Variants in SLC17A1 observed in about 807,000 individuals in gnomAD.
The protein encoded by SLC17A1 is solute carrier family 17 member 1.
Under a neutral mutation model 53.5 loss-of-function variants are expected in SLC17A1, and 51 were observed. That is an observed-to-expected ratio of 0.95 (90% confidence interval 0.76 to 1.20). The LOEUF is 1.20. Ranked by LOEUF, SLC17A1 falls within the 50% of genes most tolerant of loss-of-function variation. The pLI is 0.00. For synonymous variants in SLC17A1, 179 were observed against 198.8 expected (o/e 0.90, Z 0.84); for missense variants, 538 against 568.2 (o/e 0.95, Z 0.54).
At chr6:25,784,499 C>T (rs1307369619) in intron 12 of SLC17A1, among the ~76,000 whole-genome samples, 2 of 152,132 alleles carry the variant, frequency 1.3e-5, no homozygotes, top group Non-Finnish European at 2.9e-5. Flanking sequence ...GGAGGTACCA[C>T]ACACTGTTAT....
chr6:25,828,334 C>G (rs1388951749), intron 2 of SLC17A1, among the ~76,000 whole-genome samples: 2 of 152,076 alleles, frequency 1.3e-5, no homozygotes, highest in Non-Finnish European at 2.9e-5. Flanking sequence ...AAACAGGGGC[C>G]AGGGAGCTTG....
At chr6:25,796,939 C>T (rs1023397071) in intron 12 of SLC17A1, among the ~76,000 whole-genome samples, 5 of 152,304 alleles carry the variant, frequency 3.3e-5, no homozygotes, top group African/African-American at 1.2e-4. Flanking sequence ...ACATATACAA[C>T]ACTGCCTTCT....
intron 6 of SLC17A1, 126 bp from the exon 7 acceptor site, chr6:25,813,339 A>T (rs773074527): frequency 1.0e-4 from 76 of 755,120 alleles, no homozygotes; most frequent in Admixed American, 4.4e-4. Context: ...AAACTTTTCA[A>T]CAAGACTTGT....
chr6:25,810,365 T>C (rs1764111041), intron 10 of SLC17A1, among the ~76,000 whole-genome samples: 1 of 152,104 alleles, frequency 6.6e-6, no homozygotes. Flanking sequence ...ACTATACATA[T>C]AATAAGCGGT....
the SLC17A1 span, among the ~76,000 whole-genome samples, chr6:25,760,047 G>A: frequency 6.6e-6 from 1 of 152,132 alleles, no homozygotes; most frequent in South Asian, 2.1e-4. Flanking sequence ...CAAGTGGGAG[G>A]ATGCAGCTTG....
the SLC17A1 span, among the ~76,000 whole-genome samples, chr6:25,729,324 C>T: frequency 1.3e-5 from 2 of 152,190 alleles, no homozygotes; most frequent in African/African-American, 4.8e-5. Flanking sequence ...ATAATCACAG[C>T]CCTGGCTCCA....
At chr6:25,759,579 A>G in the SLC17A1 span, among the ~76,000 whole-genome samples, 1 of 152,162 alleles carries the variant, frequency 6.6e-6, no homozygotes, top group Non-Finnish European at 1.5e-5. Context: ...GCTGTTGCTT[A>G]TAAGTTTGTT....
chr6:25,727,499 C>G, the SLC17A1 span, among the ~76,000 whole-genome samples: 1 of 150,830 alleles, frequency 6.6e-6, no homozygotes, highest in Non-Finnish European at 1.5e-5. Flanking sequence ...TCACGCCATT[C>G]TCCTGCCTCA....
chr6:25,812,158 A>T (rs1764180052), intron 8 of SLC17A1, among the ~76,000 whole-genome samples: 1 of 152,164 alleles, frequency 6.6e-6, no homozygotes, highest in South Asian at 2.1e-4. Flanking sequence ...CAGCAACTTC[A>T]GGGTTTCATG....
chr6:25,790,628 T>G (rs1171470624), intron 12 of SLC17A1, among the ~76,000 whole-genome samples: 1 of 152,172 alleles, frequency 6.6e-6, no homozygotes, highest in Non-Finnish European at 1.5e-5. Flanking sequence ...ATCATCTGAA[T>G]AGAAGCTACA....
the SLC17A1 span, among the ~76,000 whole-genome samples, chr6:25,772,474 CAAAG>C: frequency 6.6e-6 from 1 of 151,986 alleles, no homozygotes; most frequent in East Asian, 1.9e-4. Flanking sequence ...GCTAGCCAAA[CAAAG>C]AGAGCTCATA....
At chr6:25,735,468 C>T in the SLC17A1 span, among the ~76,000 whole-genome samples, 1 of 152,186 alleles carries the variant, frequency 6.6e-6, no homozygotes, top group African/African-American at 2.4e-5. Flanking sequence ...AGGGAACTGT[C>T]TTACTGCTGT....
the SLC17A1 span, among the ~76,000 whole-genome samples, chr6:25,727,834 A>T: frequency 6.6e-6 from 1 of 151,916 alleles, no homozygotes; most frequent in African/African-American, 2.4e-5. Flanking sequence ...CTTGGCCAAC[A>T]AGGTGAAACT....
chr6:25,743,164 G>A, the SLC17A1 span, among the ~76,000 whole-genome samples: 1 of 152,116 alleles, frequency 6.6e-6, no homozygotes, highest in South Asian at 2.1e-4. Context: ...TGAAAAAACT[G>A]TGTATTGAGT....
At chr6:25,802,001 C>G (rs749608076) in intron 10 of SLC17A1, among the ~76,000 whole-genome samples, 1 of 152,178 alleles carries the variant, frequency 6.6e-6, no homozygotes, top group Non-Finnish European at 1.5e-5. Context: ...ATTGTCCCCA[C>G]TATTTGTTGT....
chr6:25,813,168 T>C lies in SLC17A1; in HGVS notation c.662A>G (p.Tyr221Cys), dbSNP rs763579189. 1.2e-5 allele frequency: 20 copies of C among 1,614,036 alleles called. No homozygotes were observed. The highest frequency in any genetic ancestry group is 3.3e-5 in the South Asian group (3 of 91,078). Residue 221 changes from tyrosine to cysteine, a missense_variant, in exon 7 of 13, where the codon TAT (tyrosine) becomes TGT (cysteine). Tyr to Cys is a radical substitution (Grantham distance 194). Transcript: ENST00000244527. The part of the protein sequence containing the change: ...AVCLLWFVLF[Y>C]DDPKDHPCIS... ...ACATGGGTGGTCTTTGGGGTCATCA[T>C]AAAACAGAACGAACCAGAGAAGACA...
At chr6:25,812,339 T>A (rs1764186295) in intron 8 of SLC17A1, among the ~76,000 whole-genome samples, 1 of 152,146 alleles carries the variant, frequency 6.6e-6, no homozygotes, top group South Asian at 2.1e-4. Flanking sequence ...ACAATAGGAG[T>A]TTGCCCGTAT....
chr6:25,767,455 C>T, the SLC17A1 span, among the ~76,000 whole-genome samples: 82 of 152,142 alleles, frequency 5.4e-4, no homozygotes, highest in East Asian at 0.011. Flanking sequence ...ATTTTTCAGG[C>T]AAAATTTGGG....
the SLC17A1 span, among the ~76,000 whole-genome samples, chr6:25,759,324 G>A: frequency 6.6e-6 from 1 of 152,130 alleles, no homozygotes; most frequent in Non-Finnish European, 1.5e-5. Context: ...ATTTGTTCTA[G>A]GGTATAGTTT....
Sources: gnomAD v4.1 joint callset for allele counts (sites outside exome capture counted in the v4.1 genomes callset) on GRCh38, gnomAD v4.1.1 for gene constraint, MANE v1.5 for transcripts, NCBI Gene and HGNC (gene_info 2026-07-23, HGNC 2026-07-21) for gene names.